EIF4E3: variants seen among roughly 807,000 people sequenced by gnomAD.
The protein encoded by EIF4E3 is eukaryotic translation initiation factor 4E family member 3.
A neutral mutation model predicts 31.7 loss-of-function variants in EIF4E3; 26 were observed. The observed-to-expected ratio is 0.82, with a 90% CI of 0.60 to 1.14. The LOEUF is 1.14. EIF4E3 is among the 50% of genes most tolerant of loss of function. The pLI, the probability that EIF4E3 is intolerant of heterozygous loss-of-function variation, is 0.00. For synonymous variants in EIF4E3, 128 were observed against 107.7 expected (o/e 1.19, Z -1.17); for missense variants, 304 against 270.9 (o/e 1.12, Z -0.86).
At chr3:71,712,318 C>A (rs1010634150) in intron 1 of EIF4E3, among the ~76,000 whole-genome samples, 2 of 152,064 alleles carry the variant, frequency 1.3e-5, no homozygotes, top group African/African-American at 4.8e-5. Flanking sequence ...ATACATCAGT[C>A]CACGTGGATT....
chr3:71,708,302 AGT>A (rs2049323687), intron 2 of EIF4E3, among the ~76,000 whole-genome samples: 1 of 152,158 alleles, frequency 6.6e-6, no homozygotes, highest in Admixed American at 6.5e-5. Flanking sequence ...AAATGAGAAT[AGT>A]GGTTGCTTTG....
At chr3:71,732,269 G>A (rs769132087) in intron 1 of EIF4E3, among the ~76,000 whole-genome samples, 29 of 152,130 alleles carry the variant, frequency 1.9e-4, no homozygotes, top group Admixed American at 4.6e-4. Context: ...TCAAGGGCCA[G>A]GCCAAGTTCC....
downstream of EIF4E3, among the ~76,000 whole-genome samples, chr3:71,671,430 G>C (rs111578843): frequency 1.1e-3 from 162 of 152,276 alleles, no homozygotes; most frequent in Admixed American, 3.1e-3. Context: ...CCGCTCGCAG[G>C]GGGAGGGCTA....
At position 71,677,140 on chromosome 3, in the gene EIF4E3, A is replaced by C. The variant is rs1261437625; in HGVS notation, c.*7542T>G. On this transcript the variant is annotated 3_prime_UTR_variant, in exon 7 of 7. Coordinates refer to ENST00000425534, the MANE Select transcript of EIF4E3 (RefSeq NM_001134651.2). ...TTTATGATTTATGCTTGCTAGTTAA[A>C]TATGCTTATGATTTAAACTTATTTT... 6.6e-6 allele frequency: 1 copy of C among 152,242 alleles called. No individual in the cohort carries two copies. Among genetic ancestry groups the C allele is most frequent in the East Asian group, 1.9e-4 (1 of 5,202 alleles). The allele number at this position is 152,242 out of a possible 1,614,324, so 9.4% of individuals were successfully genotyped here. A position where few individuals can be genotyped will look rare whatever the true frequency, so the allele number is the denominator to read the frequency against.
intron 2 of EIF4E3, among the ~76,000 whole-genome samples, chr3:71,702,271 T>C (rs1338743057): frequency 1.3e-5 from 2 of 152,176 alleles, no homozygotes; most frequent in African/African-American, 4.8e-5. Flanking sequence ...GATGTGGCAA[T>C]GACCTCTGTA....
At chr3:71,707,538 G>A (rs780404529) in intron 2 of EIF4E3, among the ~76,000 whole-genome samples, 6 of 152,138 alleles carry the variant, frequency 3.9e-5, no homozygotes, top group Non-Finnish European at 5.9e-5. Flanking sequence ...AGAAACTGAG[G>A]GAGCAGAGAC....
chr3:71,754,584 G>C (rs979058503), upstream of EIF4E3: 2 of 1,415,116 alleles, frequency 1.4e-6, no homozygotes, highest in Non-Finnish European at 1.8e-6. This position sits in a 1 kb window ranked among gnomAD's most constrained non-coding sequence, Gnocchi z 5.8. Flanking sequence ...GCGGCCCGAC[G>C]GCGCCCCCGG....
chr3:71,699,475 C>T (rs543697552), intron 3 of EIF4E3, 139 bp downstream of exon 3: 14 of 768,202 alleles, frequency 1.8e-5, no homozygotes, highest in Admixed American at 6.3e-5. Context: ...CACTTACCCC[C>T]AGACCCTGGG....
At chr3:71,739,438 G>A (rs893560135) in intron 1 of EIF4E3, among the ~76,000 whole-genome samples, 3 of 152,122 alleles carry the variant, frequency 2.0e-5, no homozygotes, top group Admixed American at 2.0e-4. Context: ...GCTCATGCTT[G>A]TAATCCCAGT....
chr3:71,746,253 T>C (rs1429338701), intron 1 of EIF4E3, among the ~76,000 whole-genome samples: 1 of 152,238 alleles, frequency 6.6e-6, no homozygotes, highest in Non-Finnish European at 1.5e-5. Flanking sequence ...TCTGTCAAAC[T>C]GGGGTAGGAG....
At chr3:71,687,048 T>A (rs1041551075) in intron 6 of EIF4E3, among the ~76,000 whole-genome samples, 2 of 152,234 alleles carry the variant, frequency 1.3e-5, no homozygotes, top group Non-Finnish European at 2.9e-5. Flanking sequence ...TCGCCCAGGC[T>A]AGAGTGCAAT....
chr3:71,721,736 A>G (rs866362445), intron 1 of EIF4E3, among the ~76,000 whole-genome samples: 10 of 152,170 alleles, frequency 6.6e-5, no homozygotes, highest in South Asian at 2.1e-4. Context: ...AGGCCTCCAC[A>G]GCAACGTGGA....
At chr3:71,696,891 T>G (rs769003243) in intron 3 of EIF4E3, among the ~76,000 whole-genome samples, 1 of 151,366 alleles carries the variant, frequency 6.6e-6, no homozygotes, top group Non-Finnish European at 1.5e-5. Flanking sequence ...AAATTTTTTT[T>G]GTATTTTTAG....
chr3:71,675,623 C>G lies in EIF4E3; in HGVS notation c.*9059G>C, dbSNP rs1184082056. Reference sequence around the variant, plus strand: ...AACAGCCAGGAGATTTGGGATATAGCTGCAACTTTGCCACCAACTACTTGT... The same window carrying G: ...AACAGCCAGGAGATTTGGGATATAGGTGCAACTTTGCCACCAACTACTTGT... On this transcript the variant is annotated 3_prime_UTR_variant, in exon 7 of 7. Transcript: ENST00000425534. 6.6e-6 allele frequency: 1 copy of G among 152,180 alleles called. No homozygotes were observed. Among genetic ancestry groups the G allele is most frequent in the Admixed American group, 6.5e-5 (1 of 15,286 alleles). 9.4% of individuals were successfully genotyped at this position (152,180 alleles called of 1,614,324 possible).
chr3:71,733,295 C>T (rs181053349), intron 1 of EIF4E3, among the ~76,000 whole-genome samples: 286 of 152,286 alleles, frequency 1.9e-3, no homozygotes, highest in African/African-American at 6.6e-3. Context: ...GAGCTGATAA[C>T]TGCTCGCCTA....
upstream of EIF4E3, chr3:71,725,458 G>GCCCCT (rs1553666884): frequency 1.3e-6 from 1 of 758,026 alleles, no homozygotes; most frequent in Non-Finnish European, 1.6e-6. The surrounding 1 kb of genome is among the most constrained non-coding windows in gnomAD (Gnocchi z 6.1). Flanking sequence ...GCCCCGCCCC[G>GCCCCT]CGCGCCCCGC....
At chr3:71,739,400 T>C (rs990222704) in intron 1 of EIF4E3, among the ~76,000 whole-genome samples, 13 of 151,992 alleles carry the variant, frequency 8.6e-5, no homozygotes, top group Non-Finnish European at 1.6e-4. Context: ...ATCAACACCA[T>C]AAGAAATGTC....
the EIF4E3 span, among the ~76,000 whole-genome samples, chr3:71,665,069 G>A: frequency 2.0e-5 from 3 of 152,124 alleles, no homozygotes; most frequent in Admixed American, 6.5e-5. Flanking sequence ...TCTCTCACCT[G>A]CAATGAGGCA....
chr3:71,710,826 T>C (rs1578359905), intron 1 of EIF4E3, among the ~76,000 whole-genome samples: 1 of 152,228 alleles, frequency 6.6e-6, no homozygotes, highest in South Asian at 2.1e-4. Flanking sequence ...GGACTTTAGA[T>C]GAGAAACTGC....
Sources: allele counts gnomAD v4.1 joint callset (sites outside exome capture counted in the v4.1 genomes callset), GRCh38; gene constraint gnomAD v4.1.1; non-coding constraint Gnocchi (gnomAD v3.1); transcripts MANE v1.5; gene names NCBI Gene and HGNC (gene_info 2026-07-23, HGNC 2026-07-21).